The following TRIM17 variants were observed in gnomAD, a reference collection of about 807,000 sequenced individuals.
TRIM17 encodes E3 ubiquitin-protein ligase TRIM17.
Under a neutral mutation model 35.8 loss-of-function variants are expected in TRIM17, and 27 were observed. The observed-to-expected ratio is 0.75, with a 90% CI of 0.56 to 1.04. The LOEUF (loss-of-function observed/expected upper bound fraction) is 1.04. TRIM17 is among the 50% of genes least tolerant of loss of function. The pLI, the probability that TRIM17 is intolerant of heterozygous loss-of-function variation, is 0.00. For synonymous variants in TRIM17, 246 were observed against 252.6 expected (o/e 0.97, Z 0.25); for missense variants, 582 against 612.8 (o/e 0.95, Z 0.53).
chr1:228,415,974 T>C (rs1297339198), intron 1 of TRIM17: 1 of 152,212 alleles, frequency 6.6e-6, no homozygotes, highest in East Asian at 1.9e-4. Context: ...CACACAAGCA[T>C]GCACATAGAT....
chr1:228,415,018 A>G lies in TRIM17; in HGVS notation c.55T>C (p.Cys19Arg), dbSNP rs1369254887. 1.2e-6 allele frequency: 2 copies of G among 1,611,436 alleles called. No individual in the cohort carries two copies. Among genetic ancestry groups the G allele is most frequent in the Non-Finnish European group, 1.7e-6 (2 of 1,178,588 alleles). Residue 19 changes from cysteine (C) to arginine (R), a missense_variant, in exon 2 of 7, where the codon TGT becomes CGT. By Grantham distance (180) the Cys-to-Arg change is radical (BLOSUM62 -3). Transcript: ENST00000366698. ...ACAGGGTCTGTGAAGTAATCCAGAC[A>G]GATGGAGCACGTAGCTTCCTCCTGC... ...KLQEEATCSI[C>R]LDYFTDPVMT...
Position 228,411,521 on chromosome 1 carries a change from C to G in TRIM17, c.526-345G>C, listed in dbSNP as rs1656787677. Among the ~76,000 whole-genome samples, 2 of 152,196 alleles carry G rather than the reference C, an allele frequency of 1.3e-5. No individual in the cohort carries two copies. Among genetic ancestry groups the G allele is most frequent in the African/African-American group, 4.8e-5 (2 of 41,458 alleles). On this transcript the variant is annotated intron_variant, in intron 3 of 6. Transcript: ENST00000366698. The surrounding 1 kb of genome is among the most constrained non-coding windows in gnomAD (Gnocchi z 4.2). Reference sequence around the variant, plus strand: ...GTTTTGTTTGAGACAGGGTCTCGCTCAGTTGCCCAGGCTGGAATGCAGTGG... The same window carrying G: ...GTTTTGTTTGAGACAGGGTCTCGCTGAGTTGCCCAGGCTGGAATGCAGTGG...
rs979581398 is a variant in TRIM17, at chr1:228,416,387, C to T, written c.-42+152G>A. ...TCCGCTAGGGTCCCGGTAGAGTTAC[C>T]TTGTTGAAGCGCGCTAGCCCCTCCA... On this transcript the variant is annotated intron_variant, in intron 1 of 6. Transcript: ENST00000366698. 9 of 985,852 alleles carry T rather than the reference C, an allele frequency of 9.1e-6. No homozygotes were observed. The Admixed American group carries it at 4.9e-4, about 54-fold the overall frequency. 61.1% of individuals were successfully genotyped at this position (985,852 alleles called of 1,614,324 possible). A position where few individuals can be genotyped will look rare whatever the true frequency, so the allele number is the denominator to read the frequency against.
chr1:228,413,172 T>C (rs1034989537), intron 3 of TRIM17, among the ~76,000 whole-genome samples: 1 of 146,382 alleles, frequency 6.8e-6, no homozygotes, highest in Non-Finnish European at 1.5e-5. Flanking sequence ...CACCGCACCA[T>C]TGGATTCCAG....
Position 228,416,782 on chromosome 1 carries a change from T to TGGG in TRIM17, c.-288_-286dup, listed in dbSNP as rs1462199096. The TGGG allele has an allele frequency of 1.1e-6, 1 of 913,846 alleles. No individual in the cohort carries two copies. The highest frequency in any genetic ancestry group is 1.5e-4 in the East Asian group (1 of 6,700). 56.6% of individuals were successfully genotyped at this position (913,846 alleles called of 1,614,324 possible). A position where few individuals can be genotyped will look rare whatever the true frequency, so the allele number is the denominator to read the frequency against. ...TGGGGCGGCGCCTCTTAGGAGAGGT[T>TGGG]GGGGGTGGCTTGGGGAAGGAAGGCG... is the stretch of plus-strand genomic sequence containing the variant. On this transcript the variant is annotated 5_prime_UTR_variant, in exon 1 of 7. Coordinates refer to ENST00000366698, the MANE Select transcript of TRIM17 (RefSeq NM_016102.4).
Position 228,414,963 on chromosome 1 carries a change from C to T in TRIM17, c.110G>A (p.Arg37Gln), listed in dbSNP as rs1012286878. The change falls in exon 2 of 7, where the codon CGA (arginine) becomes CAA (glutamine). Residue 37 changes from arginine to glutamine, a missense_variant. By Grantham distance (43) the Arg-to-Gln change is conservative. Coordinates refer to ENST00000366698, the MANE Select transcript of TRIM17 (RefSeq NM_016102.4). Reference sequence around the variant, plus strand: ...TTCCCAGCTCAGCTGGATGCAGGCTCGGCAGAAGTTGTGGCCACAGGTGGT... The same window carrying T: ...TTCCCAGCTCAGCTGGATGCAGGCTTGGCAGAAGTTGTGGCCACAGGTGGT... ...VMTTCGHNFC[R>Q]ACIQLSWEKA... is the part of the protein sequence containing the mutation. The T allele has an allele frequency of 6.8e-6, 11 of 1,613,250 alleles. No individual in the cohort carries two copies. The highest frequency in any genetic ancestry group is 3.3e-4 in the Middle Eastern group (2 of 6,084).
In TRIM17 at chr1:228,408,777, G is replaced by A. The variant is rs1159803817; in HGVS notation, c.884-26C>T. 8 of 1,587,126 alleles carry A rather than the reference G, an allele frequency of 5.0e-6. No individual in the cohort carries two copies. The South Asian group carries it at 7.8e-5, about 16-fold the overall frequency. Reference sequence around the variant, plus strand: ...CTGTAGATGGGCGTGGTGGTGGAGAGATGGGGAGAGGTGTGGGGCATTCAG... The same window carrying A: ...CTGTAGATGGGCGTGGTGGTGGAGAAATGGGGAGAGGTGTGGGGCATTCAG... On this transcript the variant is annotated intron_variant, in intron 6 of 6. Coordinates refer to ENST00000366698, the MANE Select transcript of TRIM17 (RefSeq NM_016102.4). This position sits in a 1 kb window ranked among gnomAD's most constrained non-coding sequence, Gnocchi z 6.3.
At position 228,415,069 on chromosome 1, in the gene TRIM17, C is replaced by T. The variant is rs1277500684; in HGVS notation, c.4G>A (p.Glu2Lys). The T allele has an allele frequency of 6.2e-7, 1 of 1,600,120 alleles. No homozygotes were observed. The highest frequency in any genetic ancestry group is 1.3e-5 in the African/African-American group (1 of 74,694). ...AGTTTTCTGGCGAGTTCCACAGCCT[C>T]CATGGCTCCTGGGAGACACGAGGCA... Reference protein sequence around the residue: MEAVELARKLQE... With the variant: MKAVELARKLQE... Residue 2 changes from glutamate to lysine, a missense_variant, in exon 2 of 7, where the codon GAG (glutamate) becomes AAG (lysine). Glu to Lys is a moderately conservative substitution (Grantham distance 56). Transcript: ENST00000366698.
chr1:228,409,284 G>A lies in TRIM17; in HGVS notation c.780-9C>T, dbSNP rs1194544090. The stretch of plus-strand genomic sequence containing the variant: ...CACTCACGTTGTTCTTCCTCCGGTG[G>A]GCACACACAGGGGAGTCTTATTGAC... On this transcript the variant is annotated splice_polypyrimidine_tract_variant and intron_variant, in intron 5 of 6. Coordinates refer to ENST00000366698, the MANE Select transcript of TRIM17 (RefSeq NM_016102.4). The A allele has an allele frequency of 2.1e-5, 34 of 1,613,032 alleles. No homozygotes were observed. Among genetic ancestry groups the A allele is most frequent in the Non-Finnish European group, 2.5e-5 (29 of 1,179,448 alleles).
At chr1:228,414,310 T>C (rs1656959542) in intron 2 of TRIM17, among the ~76,000 whole-genome samples, 2 of 152,222 alleles carry the variant, frequency 1.3e-5, no homozygotes, top group Non-Finnish European at 2.9e-5. Flanking sequence ...TGGGAGCGAC[T>C]CCTGGGTCAT....
At chr1:228,413,299 A>G (rs1656888863) in intron 3 of TRIM17, among the ~76,000 whole-genome samples, 2 of 152,188 alleles carry the variant, frequency 1.3e-5, no homozygotes, top group African/African-American at 4.8e-5. Flanking sequence ...GAGAGTTCCA[A>G]AAACAACTCT....
rs1657154372 is a variant in TRIM17, at chr1:228,416,640, C to T, written c.-143G>A. 2 of 975,430 alleles carry T rather than the reference C, an allele frequency of 2.1e-6. No homozygotes were observed. The highest frequency in any genetic ancestry group is 1.3e-4 in the East Asian group (1 of 7,898). The allele number at this position is 975,430 out of a possible 1,614,324, so 60.4% of individuals were successfully genotyped here. On this transcript the variant is annotated 5_prime_UTR_variant, in exon 1 of 7. Transcript: ENST00000366698. ...CCACGAAGCCCAGGAGGCTGCGGCCCGGCCCGGGGCGTGGGGACCTGGGGT... is the reference window on the plus strand; with the variant it reads ...CCACGAAGCCCAGGAGGCTGCGGCCTGGCCCGGGGCGTGGGGACCTGGGGT...
At chr1:228,409,589 A>C in intron 4 of TRIM17, 178 bp from the exon 5 acceptor site, 1 of 561,024 alleles carries the variant, frequency 1.8e-6, no homozygotes. Context: ...AGCTCCCACT[A>C]CCACCAGAGC....
chr1:228,411,216 G>C lies in TRIM17; in HGVS notation c.526-40C>G. 1 of 1,541,008 alleles carries C rather than the reference G, an allele frequency of 6.5e-7. No individual in the cohort carries two copies. The highest frequency in any genetic ancestry group is 8.8e-7 in the Non-Finnish European group (1 of 1,134,050). ...AAGCCCAGCATGTTGCCAGCAGGTG[G>C]CTCAGCTCCAGGGATGCTGGCACCT... On this transcript the variant is annotated intron_variant, in intron 3 of 6. Coordinates refer to ENST00000366698, the MANE Select transcript of TRIM17 (RefSeq NM_016102.4). The surrounding 1 kb of genome is among the most constrained non-coding windows in gnomAD (Gnocchi z 4.2).
Position 228,409,026 on chromosome 1 carries a change from CGAAGGCACAGT to C in TRIM17, c.883+135_883+145del, listed in dbSNP as rs760425686. 5.6e-6 allele frequency: 9 copies of C among 1,601,288 alleles called. No homozygotes were observed. In the Admixed American group the frequency reaches 1.0e-4, roughly 18 times the overall value. ...TAGAACCACCAGTAACGCCGCCCTA[CGAAGGCACAGT>C]GAATAGCCAGTGACCGTCACCAGGC... is the stretch of plus-strand genomic sequence containing the variant. On this transcript the variant is annotated intron_variant, in intron 6 of 6. Transcript: ENST00000366698.
rs147827424 is a variant in TRIM17 at position 228,415,046 on chromosome 1, T to C, written c.27A>G (p.Lys9=). 1,308 of 1,605,478 alleles carry C rather than the reference T, an allele frequency of 8.1e-4. 9 individuals are homozygous for C. In the African/African-American group the frequency reaches 0.015, roughly 19 times the overall value. MEAVELAR[K]LQEEATCSIC... The stretch of plus-strand genomic sequence containing the variant: ...TGGAGCACGTAGCTTCCTCCTGCAG[T>C]TTTCTGGCGAGTTCCACAGCCTCCA... Residue 9 remains lysine (K), a synonymous_variant, in exon 2 of 7, where the codon AAA becomes AAG. Transcript: ENST00000366698.
chr1:228,409,523 G>A (rs1372657152), intron 4 of TRIM17, 112 bp from the exon 5 acceptor site: 6 of 1,105,300 alleles, frequency 5.4e-6, no homozygotes, highest in Non-Finnish European at 7.6e-6. Flanking sequence ...TGTCCCCTGG[G>A]CATTCCCTTC....
At chr1:228,416,361 G>A (rs1657124255) in intron 1 of TRIM17, 178 bp downstream of exon 1, 2 of 985,422 alleles carry the variant, frequency 2.0e-6, no homozygotes, top group East Asian at 1.1e-4. Flanking sequence ...TCCCGCTCTG[G>A]TCCGCTAGGG....
rs561549889 is a variant in TRIM17 at position 228,411,405 on chromosome 1, C to T, written c.526-229G>A. 3.9e-5 allele frequency among the ~76,000 whole-genome samples: 6 copies of T among 152,342 alleles called. No individual in the cohort carries two copies. The East Asian group carries it at 5.8e-4, about 15-fold the overall frequency. Reference sequence around the variant, plus strand: ...CTACACATCCAAACACCCATGCACCCTTGCTCTGAGGAGGTTCAGAATGTC... The same window carrying T: ...CTACACATCCAAACACCCATGCACCTTTGCTCTGAGGAGGTTCAGAATGTC... On this transcript the variant is annotated intron_variant, in intron 3 of 6. Coordinates refer to ENST00000366698, the MANE Select transcript of TRIM17 (RefSeq NM_016102.4). This position sits in a 1 kb window ranked among gnomAD's most constrained non-coding sequence, Gnocchi z 4.2.
Sources: allele counts gnomAD v4.1 joint callset (sites outside exome capture counted in the v4.1 genomes callset), GRCh38; gene constraint gnomAD v4.1.1; non-coding constraint Gnocchi (gnomAD v3.1); transcripts MANE v1.5; gene names NCBI Gene and HGNC (gene_info 2026-07-23, HGNC 2026-07-21).